The following GRIN2A variants were observed in gnomAD, a reference collection of about 807,000 sequenced individuals.
The protein encoded by GRIN2A is glutamate ionotropic receptor NMDA type subunit 2A, also known as glutamate receptor ionotropic, NMDA 2A.
Under a neutral mutation model 113.4 loss-of-function variants are expected in GRIN2A, and 22 were observed. That is an observed-to-expected ratio of 0.19 (90% CI 0.14 to 0.28). GRIN2A has a LOEUF of 0.28. GRIN2A is among the 10% of genes least tolerant of loss of function. The probability of loss-of-function intolerance (pLI) is 1.00; values close to 1 mark genes in which losing one functional copy is unlikely to be tolerated. For missense variants in GRIN2A, 1,502 were observed against 1,887.0 expected, an observed-to-expected ratio of 0.80 and a Z score of 3.78; for synonymous variants, 827 against 738.4, an observed-to-expected ratio of 1.12 and a Z score of -1.94.
intron 10 of GRIN2A, among the ~76,000 whole-genome samples, chr16:9,802,410 C>G (rs1015676571): frequency 1.3e-5 from 2 of 152,126 alleles, no homozygotes; most frequent in African/African-American, 4.8e-5. Context: ...AGGTGCACAC[C>G]ATTATCCTGA....
At chr16:10,096,438 G>A (rs1007947389) in intron 2 of GRIN2A, among the ~76,000 whole-genome samples, 2 of 151,952 alleles carry the variant, frequency 1.3e-5, no homozygotes, top group Non-Finnish European at 2.9e-5. Context: ...CAGGCATCTC[G>A]GGGTTTCTGA....
chr16:9,952,054 G>A (rs576015880), intron 2 of GRIN2A, among the ~76,000 whole-genome samples: 54 of 152,252 alleles, frequency 3.5e-4, no homozygotes, highest in African/African-American at 1.3e-3. Context: ...GCAACCACGA[G>A]AAATAAATAG....
intron 4 of GRIN2A, among the ~76,000 whole-genome samples, chr16:9,859,778 T>C (rs113050552): frequency 2.8e-3 from 419 of 152,176 alleles, no homozygotes; most frequent in African/African-American, 8.5e-3. Context: ...CCTACTGAAA[T>C]CCTACCCACT....
intron 2 of GRIN2A, among the ~76,000 whole-genome samples, chr16:10,098,368 G>C (rs1567296970): frequency 6.6e-6 from 1 of 152,196 alleles, no homozygotes; most frequent in Non-Finnish European, 1.5e-5. Context: ...ATGTAAACTA[G>C]TACAACCACT....
intron 2 of GRIN2A, among the ~76,000 whole-genome samples, chr16:10,158,688 C>T (rs140522374): frequency 3.9e-5 from 6 of 152,258 alleles, no homozygotes; most frequent in East Asian, 1.9e-4. Context: ...ACATAACAGA[C>T]GATCCCATCC....
At chr16:10,034,059 C>G (rs563094055) in intron 2 of GRIN2A, among the ~76,000 whole-genome samples, 1 of 152,304 alleles carries the variant, frequency 6.6e-6, no homozygotes, top group South Asian at 2.1e-4. Flanking sequence ...GAGGACAGAG[C>G]CTTGGCAGAG....
chr16:10,103,870 T>C (rs1165779181), intron 2 of GRIN2A, among the ~76,000 whole-genome samples: 1 of 152,198 alleles, frequency 6.6e-6, no homozygotes, highest in African/African-American at 2.4e-5. Flanking sequence ...AATAATTGGG[T>C]ATAGCAATCT....
intron 2 of GRIN2A, among the ~76,000 whole-genome samples, chr16:10,131,392 A>T (rs922053151): frequency 6.6e-6 from 1 of 151,926 alleles, no homozygotes; most frequent in African/African-American, 2.4e-5. Flanking sequence ...GGGGAAATTC[A>T]TCGGGAAGTT....
intron 4 of GRIN2A, among the ~76,000 whole-genome samples, chr16:9,861,728 TC>T (rs1282761246): frequency 2.0e-5 from 3 of 152,284 alleles, no homozygotes; most frequent in South Asian, 2.1e-4. Context: ...AACTCAATTT[TC>T]CCCTGTGTGG....
At chr16:10,011,117 C>G (rs769735395) in intron 2 of GRIN2A, among the ~76,000 whole-genome samples, 27 of 152,330 alleles carry the variant, frequency 1.8e-4, no homozygotes, top group Non-Finnish European at 2.8e-4. Flanking sequence ...CTTCCCCACT[C>G]TTTCTTATTT....
intron 2 of GRIN2A, among the ~76,000 whole-genome samples, chr16:10,009,218 G>C (rs1448125185): frequency 6.6e-6 from 1 of 152,208 alleles, no homozygotes; most frequent in Non-Finnish European, 1.5e-5. Flanking sequence ...CAGGAAGGAA[G>C]CTTAGAAGAA....
At chr16:9,780,057 C>T (rs1391120553) in intron 11 of GRIN2A, among the ~76,000 whole-genome samples, 2 of 152,198 alleles carry the variant, frequency 1.3e-5, no homozygotes, top group South Asian at 2.1e-4. Flanking sequence ...AACCACACAG[C>T]CACTGATGAA....
chr16:9,888,398 T>A (rs2043627758), intron 4 of GRIN2A, among the ~76,000 whole-genome samples: 1 of 152,162 alleles, frequency 6.6e-6, no homozygotes, highest in Non-Finnish European at 1.5e-5. Context: ...TTCTAGATAG[T>A]TTTATCTTTC....
chr16:9,853,250 A>C (rs1247477441), intron 4 of GRIN2A, among the ~76,000 whole-genome samples: 1 of 152,200 alleles, frequency 6.6e-6, no homozygotes. Context: ...ATTTACCTTA[A>C]GGGTTTGCTA....
At chr16:9,973,769 T>C (rs1405495244) in intron 2 of GRIN2A, among the ~76,000 whole-genome samples, 1 of 152,142 alleles carries the variant, frequency 6.6e-6, no homozygotes, top group Non-Finnish European at 1.5e-5. Context: ...TGGAATAATG[T>C]CTTTATAAGT....
intron 2 of GRIN2A, among the ~76,000 whole-genome samples, chr16:9,996,858 T>A (rs571757732): frequency 6.6e-6 from 1 of 152,260 alleles, no homozygotes; most frequent in East Asian, 1.9e-4. Flanking sequence ...AGAATAAAAA[T>A]AAAATGTTCA....
At chr16:10,114,038 T>A (rs2048678601) in intron 2 of GRIN2A, among the ~76,000 whole-genome samples, 1 of 151,094 alleles carries the variant, frequency 6.6e-6, no homozygotes, top group South Asian at 2.1e-4. Context: ...AAAAAAAAGA[T>A]TTAATTAGCC....
chr16:10,084,162 T>TG (rs2048040341), intron 2 of GRIN2A, among the ~76,000 whole-genome samples: 1 of 152,184 alleles, frequency 6.6e-6, no homozygotes, highest in Non-Finnish European at 1.5e-5. Context: ...ATCAAAGGCT[T>TG]AGAACCTGGT....
At chr16:9,880,460 G>A (rs2043455859) in intron 4 of GRIN2A, among the ~76,000 whole-genome samples, 1 of 152,066 alleles carries the variant, frequency 6.6e-6, no homozygotes, top group African/African-American at 2.4e-5. Flanking sequence ...CTTTTAAAGG[G>A]GTCATGTGAT....
Sources: allele counts gnomAD v4.1 joint callset (sites outside exome capture counted in the v4.1 genomes callset), GRCh38; gene constraint gnomAD v4.1.1; transcripts MANE v1.5; gene names NCBI Gene and HGNC (gene_info 2026-07-23, HGNC 2026-07-21).